Variants in PAPSS1 observed in about 807,000 individuals in gnomAD.
PAPSS1 encodes bifunctional 3'-phosphoadenosine 5'-phosphosulfate synthase 1.
In PAPSS1, 50 loss-of-function variants were observed where a neutral mutation model predicts 72.0. That is an observed-to-expected ratio of 0.69 (90% CI 0.55 to 0.88). PAPSS1 has a LOEUF of 0.88. PAPSS1 is among the 40% of genes least tolerant of loss of function. PAPSS1 has a pLI of 0.00. For synonymous variants in PAPSS1, 261 were observed against 263.6 expected, an observed-to-expected ratio of 0.99 and a Z score of 0.09; for missense variants, 657 against 782.2, an observed-to-expected ratio of 0.84 and a Z score of 1.91.
intron 10 of PAPSS1, among the ~76,000 whole-genome samples, chr4:107,636,147 T>C (rs996527689): frequency 6.6e-6 from 1 of 152,166 alleles, no homozygotes; most frequent in Admixed American, 6.5e-5. Context: ...TCCAGAAATA[T>C]TGTGAGGCAA....
chr4:107,658,224 A>G (rs1205990056), intron 6 of PAPSS1, among the ~76,000 whole-genome samples: 2 of 151,614 alleles, frequency 1.3e-5, no homozygotes, highest in South Asian at 2.1e-4. Flanking sequence ...AAGTGACCAT[A>G]AAGTACTGTA....
At chr4:107,680,492 A>C (rs767862243) in intron 5 of PAPSS1, among the ~76,000 whole-genome samples, 10 of 152,220 alleles carry the variant, frequency 6.6e-5, no homozygotes, top group Non-Finnish European at 1.5e-4. Flanking sequence ...GAACAAACAG[A>C]TGAGAAAGCC....
intron 7 of PAPSS1, among the ~76,000 whole-genome samples, chr4:107,655,369 A>G (rs1394262558): frequency 6.6e-6 from 1 of 152,232 alleles, no homozygotes; most frequent in Non-Finnish European, 1.5e-5. Flanking sequence ...AAGTTGATTA[A>G]GTATACTTGA....
chr4:107,719,390 G>C (rs1723717569), intron 1 of PAPSS1, among the ~76,000 whole-genome samples: 1 of 152,172 alleles, frequency 6.6e-6, no homozygotes, highest in South Asian at 2.1e-4. Flanking sequence ...AATTAAGGAA[G>C]TAAGCAACGT....
chr4:107,686,118 T>G (rs191679903), intron 4 of PAPSS1, among the ~76,000 whole-genome samples: 2 of 151,970 alleles, frequency 1.3e-5, no homozygotes, highest in South Asian at 2.1e-4. Flanking sequence ...CAGAGCAGAG[T>G]TGGGTTCTAA....
In PAPSS1 at chr4:107,645,031, T is replaced by C. The variant is rs1206297304; in HGVS notation, c.1277A>G (p.Asn426Ser). ...FAFQLRNPVH[N>S]GHALLMQDTH... ...ATCCTGCATTAACAGGGCATGTCCA[T>C]TGTGCACTGGGTTGCGTAGTTGAAA... Residue 426 changes from asparagine to serine, a missense_variant, in exon 10 of 12, where the codon AAT (asparagine) becomes AGT (serine). Around this residue, in one of 7 missense-constraint regions of PAPSS1, gnomAD observed 166 missense variants for 228.3 expected, o/e 0.73. Coordinates refer to ENST00000265174, the MANE Select transcript of PAPSS1 (RefSeq NM_005443.5). 2 of 1,600,112 alleles carry C rather than the reference T, an allele frequency of 1.2e-6. No individual in the cohort carries two copies. Among genetic ancestry groups the C allele is most frequent in the Non-Finnish European group, 1.7e-6 (2 of 1,172,706 alleles).
At chr4:107,656,465 A>G (rs1460005568) in intron 7 of PAPSS1, among the ~76,000 whole-genome samples, 1 of 152,146 alleles carries the variant, frequency 6.6e-6, no homozygotes. Flanking sequence ...AAGAATAGGA[A>G]GGACCACATT....
chr4:107,713,291 G>A (rs1271576760), intron 1 of PAPSS1, among the ~76,000 whole-genome samples: 1 of 152,132 alleles, frequency 6.6e-6, no homozygotes, highest in African/African-American at 2.4e-5. Context: ...AACCCATAGA[G>A]ACAGAAAGTA....
At chr4:107,621,608 C>CTTTGTTTTTTTT (rs1725956338) in intron 11 of PAPSS1, among the ~76,000 whole-genome samples, 1 of 48,148 alleles carries the variant, frequency 2.1e-5, no homozygotes, top group Non-Finnish European at 3.9e-5. Flanking sequence ...GGTTTTTTAT[C>CTTTGTTTTTTTT]TTTTTTTTTT....
chr4:107,669,595 G>A (rs1340971322), intron 5 of PAPSS1, among the ~76,000 whole-genome samples: 1 of 152,164 alleles, frequency 6.6e-6, no homozygotes, highest in African/African-American at 2.4e-5. Context: ...TTAACTATCT[G>A]TTAAATTAAC....
chr4:107,685,255 G>T (rs1390276835), intron 4 of PAPSS1, among the ~76,000 whole-genome samples: 5 of 152,174 alleles, frequency 3.3e-5, no homozygotes, highest in Non-Finnish European at 7.3e-5. Flanking sequence ...GTGTGTGACA[G>T]GTGTATGCTT....
chr4:107,713,033 C>T (rs530202341), intron 1 of PAPSS1, among the ~76,000 whole-genome samples: 29 of 151,776 alleles, frequency 1.9e-4, no homozygotes, highest in East Asian at 5.9e-4. Flanking sequence ...CTGCAACCTT[C>T]GCCTTCTGGT....
intron 5 of PAPSS1, among the ~76,000 whole-genome samples, chr4:107,666,635 C>T (rs1223811801): frequency 6.6e-6 from 1 of 152,154 alleles, no homozygotes; most frequent in Non-Finnish European, 1.5e-5. Context: ...ATACTAAAAA[C>T]ATTTTTCTTG....
At chr4:107,664,301 C>T (rs1458963746) in intron 5 of PAPSS1, among the ~76,000 whole-genome samples, 1 of 152,156 alleles carries the variant, frequency 6.6e-6, no homozygotes, top group Non-Finnish European at 1.5e-5. Context: ...ACTACTCTCC[C>T]CCAGGTTTAC....
Position 107,667,242 on chromosome 4 carries a change from T to C in PAPSS1, c.670-7170A>G, listed in dbSNP as rs1275541352. 3.3e-5 allele frequency among the ~76,000 whole-genome samples: 5 copies of C among 151,790 alleles called. No individual in the cohort carries two copies. The East Asian group carries it at 5.8e-4, about 18-fold the overall frequency. ...ACACGGAGGTACTGGGGGCTGGGGG[T>C]TGAAGTTCATAGAGAAAGCACGGAA... is the stretch of plus-strand genomic sequence containing the variant. On this transcript the variant is annotated intron_variant, in intron 5 of 11. Coordinates refer to ENST00000265174, the MANE Select transcript of PAPSS1 (RefSeq NM_005443.5).
chr4:107,679,792 G>A (rs1437053628), intron 5 of PAPSS1, among the ~76,000 whole-genome samples: 10 of 151,338 alleles, frequency 6.6e-5, no homozygotes, highest in Non-Finnish European at 1.3e-4. Flanking sequence ...CACTCCTCAA[G>A]ATAGGACTTT....
intron 10 of PAPSS1, among the ~76,000 whole-genome samples, chr4:107,633,545 A>G (rs912305237): frequency 6.6e-6 from 1 of 152,098 alleles, no homozygotes; most frequent in South Asian, 2.1e-4. Flanking sequence ...GTGTGTAAAG[A>G]TAAGGGAAAA....
chr4:107,631,903 T>G (rs1425459189), intron 10 of PAPSS1, 43 bp from the exon 11 acceptor site: 2 of 1,279,912 alleles, frequency 1.6e-6, no homozygotes, highest in Non-Finnish European at 2.2e-6. Context: ...CTTTTATGAC[T>G]ATGTACTTAG....
intron 5 of PAPSS1, among the ~76,000 whole-genome samples, chr4:107,680,260 T>G (rs531757399): frequency 6.6e-5 from 10 of 151,710 alleles, no homozygotes; most frequent in Admixed American, 3.3e-4. Context: ...CTACAAGACC[T>G]AGACACATGA....
Sources: allele counts gnomAD v4.1 joint callset (sites outside exome capture counted in the v4.1 genomes callset), GRCh38; gene constraint gnomAD v4.1.1; regional missense constraint gnomAD v4.1.1; transcripts MANE v1.5; gene names NCBI Gene and HGNC (gene_info 2026-07-23, HGNC 2026-07-21).